The following PIP5K1B variants were observed in gnomAD, a reference collection of about 807,000 sequenced individuals.
The protein encoded by PIP5K1B is phosphatidylinositol-4-phosphate 5-kinase type 1 beta, also known as phosphatidylinositol 4-phosphate 5-kinase type-1 beta.
A neutral mutation model predicts 67.0 loss-of-function variants in PIP5K1B; 42 were observed. The observed-to-expected ratio is 0.63, with a 90% confidence interval of 0.49 to 0.81. PIP5K1B has a LOEUF of 0.81. Ranked by LOEUF, PIP5K1B falls within the 30% of genes least tolerant of loss-of-function variation. The pLI, the probability that PIP5K1B is intolerant of heterozygous loss-of-function variation, is 0.00. For synonymous variants in PIP5K1B, 214 were observed against 231.4 expected (o/e 0.92, Z 0.68); for missense variants, 459 against 646.3 (o/e 0.71, Z 3.14).
At chr9:68,989,937 G>A (rs551030729) in intron 14 of PIP5K1B, among the ~76,000 whole-genome samples, 32 of 151,940 alleles carry the variant, frequency 2.1e-4, no homozygotes, top group African/African-American at 6.3e-4. Context: ...CTGAGATCAC[G>A]CCACTGCACT....
Position 68,920,359 on chromosome 9 carries a change from C to CTTTTTTTTTTTT in PIP5K1B, c.1116+645_1116+656dup, listed in dbSNP as rs5898051. 5.7e-4 allele frequency among the ~76,000 whole-genome samples: 56 copies of CTTTTTTTTTTTT among 98,368 alleles called. 18 individuals carry two copies. Among genetic ancestry groups the CTTTTTTTTTTTT allele is most frequent in the African/African-American group, 1.6e-3 (45 of 27,486 alleles). The allele number at this position is 98,368 out of a possible 152,430, so 64.5% of individuals were successfully genotyped here. ...ATACATGCTGGCTGCCTGAGGTTGT[C>CTTTTTTTTTTTT]TTTTTTTTTTTTTTTTTTTTTTTTT... is the stretch of plus-strand genomic sequence containing the variant. On this transcript the variant is annotated intron_variant, in intron 11 of 15. Transcript: ENST00000265382.
chr9:68,797,422 C>G (rs551668277), intron 2 of PIP5K1B, among the ~76,000 whole-genome samples: 5 of 152,318 alleles, frequency 3.3e-5, no homozygotes, highest in African/African-American at 9.6e-5. Flanking sequence ...ACAAGAATTG[C>G]AATGTTGATT....
intron 13 of PIP5K1B, among the ~76,000 whole-genome samples, chr9:68,940,327 G>A (rs1456280075): frequency 6.6e-6 from 1 of 152,142 alleles, no homozygotes; most frequent in Non-Finnish European, 1.5e-5. Context: ...CAAATTGTCT[G>A]CTTTAACTCC....
At chr9:68,869,843 AAAG>A (rs979135212) in intron 5 of PIP5K1B, among the ~76,000 whole-genome samples, 2 of 152,184 alleles carry the variant, frequency 1.3e-5, no homozygotes, top group Admixed American at 6.5e-5. Context: ...AATAAATAAA[AAAG>A]AAAAAGATTA....
intron 12 of PIP5K1B, among the ~76,000 whole-genome samples, chr9:68,925,434 G>T (rs1239206749): frequency 6.6e-6 from 1 of 152,020 alleles, no homozygotes; most frequent in Non-Finnish European, 1.5e-5. Flanking sequence ...AATGTTATCT[G>T]ATTGTTTTAT....
chr9:68,925,795 A>ATTTTTTTTTTTTTTTTTTTTT lies in PIP5K1B; in HGVS notation c.1201+2429_1201+2430insTTTTTTTTTTTTTTTTTTTTT, dbSNP rs71353094. On this transcript the variant is annotated intron_variant, in intron 12 of 15. Transcript: ENST00000265382. ...ACATGAATACCAGCTTGTGGTTCCA[A>ATTTTTTTTTTTTTTTTTTTTT]TTTTTTTTTTTTTTTTTTTTGAGAC... Among the ~76,000 whole-genome samples the ATTTTTTTTTTTTTTTTTTTTT allele has an allele frequency of 7.8e-4, 57 of 73,276 alleles. 12 individuals carry two copies. The highest frequency in any genetic ancestry group is 3.8e-3 in the East Asian group (6 of 1,572). The allele number at this position is 73,276 out of a possible 152,430, so 48.1% of individuals were successfully genotyped here. A position where few individuals can be genotyped will look rare whatever the true frequency, so the allele number is the denominator to read the frequency against.
At chr9:68,937,706 A>G (rs78795001) in intron 13 of PIP5K1B, among the ~76,000 whole-genome samples, 2 of 152,092 alleles carry the variant, frequency 1.3e-5, no homozygotes, top group Admixed American at 6.5e-5. Context: ...TATGGTGTCA[A>G]TTTCAGGTCT....
In PIP5K1B at chr9:68,997,762, C is replaced by T. The variant is rs138818655; in HGVS notation, c.1620+6505C>T. On this transcript the variant is annotated intron_variant, in intron 15 of 15. Coordinates refer to ENST00000265382, the MANE Select transcript of PIP5K1B (RefSeq NM_003558.4). ...ATTCCCATTCTTGAAATAAAAGTGACGCAAGCTTCAAATTAATGAGGCAAC... is the reference window on the plus strand; with the variant it reads ...ATTCCCATTCTTGAAATAAAAGTGATGCAAGCTTCAAATTAATGAGGCAAC... 2.2e-3 allele frequency among the ~76,000 whole-genome samples: 334 copies of T among 152,288 alleles called. 1 individual carries two copies. Among genetic ancestry groups the T allele is most frequent in the African/African-American group, 7.7e-3 (319 of 41,566 alleles).
chr9:68,944,683 T>A (rs1159624974), intron 14 of PIP5K1B, among the ~76,000 whole-genome samples: 2 of 152,200 alleles, frequency 1.3e-5, no homozygotes, highest in African/African-American at 4.8e-5. Flanking sequence ...TCTCAGAGGC[T>A]AATCCATCAG....
At chr9:68,775,100 G>C (rs185122744) in intron 2 of PIP5K1B, among the ~76,000 whole-genome samples, 2 of 152,244 alleles carry the variant, frequency 1.3e-5, no homozygotes, top group East Asian at 3.9e-4. Flanking sequence ...TCTTCATATA[G>C]GCTTACTGCT....
rs191841975 is a variant in PIP5K1B, at chr9:68,983,092, A to T, written c.1503-8048A>T. Among the ~76,000 whole-genome samples, 3 of 152,332 alleles carry T rather than the reference A, an allele frequency of 2.0e-5. No homozygotes were observed. The East Asian group carries it at 5.8e-4, about 29-fold the overall frequency. ...AAATAATGTGACAGTGTTAAACTGA[A>T]ATATTTTTAGTATCTGTTTTGGCTG... On this transcript the variant is annotated intron_variant, in intron 14 of 15. Coordinates refer to ENST00000265382, the MANE Select transcript of PIP5K1B (RefSeq NM_003558.4).
At chr9:68,824,168 A>G (rs1219664320) in intron 4 of PIP5K1B, 1 of 519,046 alleles carries the variant, frequency 1.9e-6, no homozygotes, top group Admixed American at 1.9e-5. Flanking sequence ...ATGGACCAAC[A>G]CAGAGATGAT....
chr9:68,973,179 C>T (rs565957104), intron 14 of PIP5K1B, among the ~76,000 whole-genome samples: 20 of 152,184 alleles, frequency 1.3e-4, no homozygotes, highest in Non-Finnish European at 2.8e-4. Flanking sequence ...ACAGCTCAGA[C>T]GTAATACAAC....
At chr9:68,863,401 TCATACACACACA>T (rs1193736067) in intron 4 of PIP5K1B, among the ~76,000 whole-genome samples, 8 of 152,096 alleles carry the variant, frequency 5.3e-5, no homozygotes, top group Non-Finnish European at 8.8e-5. Context: ...ATGTGTATAC[TCATACACACACA>T]CATACACACA....
intron 1 of PIP5K1B, among the ~76,000 whole-genome samples, chr9:68,711,678 TA>T (rs1336430595): frequency 6.6e-6 from 1 of 152,252 alleles, no homozygotes; most frequent in Non-Finnish European, 1.5e-5. Context: ...GTCCTTTTTT[TA>T]AATCATAAAT....
At chr9:68,990,219 G>C (rs1830300784) in intron 14 of PIP5K1B, among the ~76,000 whole-genome samples, 1 of 152,134 alleles carries the variant, frequency 6.6e-6, no homozygotes, top group Non-Finnish European at 1.5e-5. Context: ...TGTGGTCCTT[G>C]AACCAGCAGC....
At chr9:68,891,819 T>C (rs1410292986) in intron 7 of PIP5K1B, among the ~76,000 whole-genome samples, 6 of 152,176 alleles carry the variant, frequency 3.9e-5, no homozygotes, top group African/African-American at 1.2e-4. Context: ...TTCCATTATA[T>C]AGATGATATA....
At chr9:68,894,036 C>T (rs1824955412) in intron 7 of PIP5K1B, among the ~76,000 whole-genome samples, 1 of 152,160 alleles carries the variant, frequency 6.6e-6, no homozygotes, top group African/African-American at 2.4e-5. Context: ...TCTTTGGCTA[C>T]CTTAGAGAAT....
At chr9:68,850,486 C>A (rs1348093064) in intron 4 of PIP5K1B, among the ~76,000 whole-genome samples, 1 of 152,180 alleles carries the variant, frequency 6.6e-6, no homozygotes, top group Non-Finnish European at 1.5e-5. Flanking sequence ...GTGTGACAAC[C>A]CAAATTGTCT....
Sources: gnomAD v4.1 joint callset for allele counts (sites outside exome capture counted in the v4.1 genomes callset) on GRCh38, gnomAD v4.1.1 for gene constraint, MANE v1.5 for transcripts, NCBI Gene and HGNC (gene_info 2026-07-23, HGNC 2026-07-21) for gene names.